Variants in TRAPPC9 observed in about 807,000 individuals in gnomAD.
The protein encoded by TRAPPC9 is IKK2 binding protein.
TRAPPC9 carries 83 observed loss-of-function variants against 124.0 expected under a neutral mutation model. That is an observed-to-expected ratio of 0.67 (90% CI 0.56 to 0.80). TRAPPC9 has a LOEUF of 0.80. TRAPPC9 is among the 30% of genes least tolerant of loss of function. The pLI is 0.00. For missense variants in TRAPPC9, 1,302 were observed against 1,508.3 expected (o/e 0.86, Z 2.27); for synonymous variants, 638 against 617.5 (o/e 1.03, Z -0.49).
intron 17 of TRAPPC9, among the ~76,000 whole-genome samples, chr8:140,215,170 C>T (rs899071651): frequency 1.3e-5 from 2 of 152,160 alleles, no homozygotes; most frequent in African/African-American, 4.8e-5. Flanking sequence ...TGAAATCCAC[C>T]ACATTCACTA....
At chr8:140,297,340 ACATG>A (rs1364727067) in intron 11 of TRAPPC9, among the ~76,000 whole-genome samples, 1 of 144,684 alleles carries the variant, frequency 6.9e-6, no homozygotes, top group African/African-American at 2.7e-5. Context: ...TCATACACAC[ACATG>A]CATAGACACA....
intron 11 of TRAPPC9, among the ~76,000 whole-genome samples, chr8:140,299,981 T>G (rs76962538): frequency 0.033 from 5,079 of 152,322 alleles, 284 homozygotes; most frequent in African/African-American, 0.11. Context: ...TCAGCCCTTG[T>G]AAAATCAGTC....
At chr8:139,850,749 C>T (rs1321521848) in intron 21 of TRAPPC9, among the ~76,000 whole-genome samples, 1 of 152,164 alleles carries the variant, frequency 6.6e-6, no homozygotes, top group East Asian at 1.9e-4. Flanking sequence ...GTCTACTAAT[C>T]CAGTCTTCAT....
chr8:139,739,703 T>G (rs1818432820), intron 21 of TRAPPC9, among the ~76,000 whole-genome samples: 1 of 152,256 alleles, frequency 6.6e-6, no homozygotes, highest in Non-Finnish European at 1.5e-5. Flanking sequence ...GCCACATTCA[T>G]GTATTTTCTC....
chr8:140,185,142 C>T (rs1188618714), intron 17 of TRAPPC9, among the ~76,000 whole-genome samples: 1 of 152,194 alleles, frequency 6.6e-6, no homozygotes, highest in African/African-American at 2.4e-5. Flanking sequence ...AGCCAGAGAC[C>T]ACCATGTACG....
At chr8:140,343,707 C>CT (rs1338130857) in intron 9 of TRAPPC9, among the ~76,000 whole-genome samples, 1 of 152,216 alleles carries the variant, frequency 6.6e-6, no homozygotes, top group East Asian at 1.9e-4. Flanking sequence ...CACACACCTC[C>CT]TGTCCTGGCC....
intron 2 of TRAPPC9, among the ~76,000 whole-genome samples, chr8:140,442,875 C>G (rs1175202451): frequency 6.6e-6 from 1 of 151,992 alleles, no homozygotes; most frequent in Non-Finnish European, 1.5e-5. Flanking sequence ...TGGCTCATGC[C>G]TGTAATCCCA....
At chr8:140,146,218 T>G (rs142563696) in intron 17 of TRAPPC9, among the ~76,000 whole-genome samples, 332 of 152,392 alleles carry the variant, frequency 2.2e-3, no homozygotes, top group African/African-American at 7.2e-3. Flanking sequence ...ATCTAATAAA[T>G]TCTTCACCAG....
chr8:140,176,735 A>G (rs2062079704), intron 17 of TRAPPC9, among the ~76,000 whole-genome samples: 1 of 152,250 alleles, frequency 6.6e-6, no homozygotes, highest in Non-Finnish European at 1.5e-5. Flanking sequence ...ATAGCTAAAC[A>G]TTTCCCCAAA....
At chr8:140,145,413 C>T (rs573956828) in intron 17 of TRAPPC9, among the ~76,000 whole-genome samples, 29 of 152,132 alleles carry the variant, frequency 1.9e-4, no homozygotes, top group Middle Eastern at 6.8e-3. Context: ...AAGTATGTTT[C>T]CTAGAGATTT....
At chr8:140,174,290 C>T (rs1446064323) in intron 17 of TRAPPC9, among the ~76,000 whole-genome samples, 1 of 151,904 alleles carries the variant, frequency 6.6e-6, no homozygotes, top group Non-Finnish European at 1.5e-5. Context: ...TAATACCTGG[C>T]TGATGAAATA....
intron 21 of TRAPPC9, among the ~76,000 whole-genome samples, chr8:139,800,879 TGGTATCTTCCCGCCCTCC>T (rs1261813884): frequency 7.0e-5 from 9 of 128,896 alleles, no homozygotes; most frequent in African/African-American, 1.2e-4. Flanking sequence ...TCCCTCCCTC[TGGTATCTTCCCGCCCTCC>T]GGTACCTTCC....
At chr8:139,956,169 T>A (rs1834969030) in intron 19 of TRAPPC9, among the ~76,000 whole-genome samples, 1 of 151,994 alleles carries the variant, frequency 6.6e-6, no homozygotes, top group Non-Finnish European at 1.5e-5. Flanking sequence ...TTTTTTTTTT[T>A]CTTTTATTTT....
intron 17 of TRAPPC9, among the ~76,000 whole-genome samples, chr8:140,036,472 T>C (rs1467949604): frequency 3.5e-5 from 5 of 142,166 alleles, no homozygotes; most frequent in Admixed American, 2.7e-4. Context: ...TCTTCAAGAT[T>C]AGATTCTTGA....
At chr8:140,181,968 A>G (rs1035594492) in intron 17 of TRAPPC9, among the ~76,000 whole-genome samples, 2 of 152,036 alleles carry the variant, frequency 1.3e-5, no homozygotes, top group Non-Finnish European at 2.9e-5. Flanking sequence ...AGGCCATGGC[A>G]TGCTTCCCTG....
chr8:140,323,672 GA>G (rs1370977487), intron 9 of TRAPPC9, among the ~76,000 whole-genome samples: 2 of 152,032 alleles, frequency 1.3e-5, no homozygotes, highest in Non-Finnish European at 2.9e-5. Context: ...TGAGAGAACA[GA>G]AAAAACACTT....
chr8:140,297,515 A>G (rs1345447555), intron 11 of TRAPPC9, among the ~76,000 whole-genome samples: 1 of 152,242 alleles, frequency 6.6e-6, no homozygotes, highest in African/African-American at 2.4e-5. Context: ...TCCAAAATAC[A>G]GTATTGACTG....
chr8:140,175,585 G>T (rs75302993), intron 17 of TRAPPC9, among the ~76,000 whole-genome samples: 2 of 152,316 alleles, frequency 1.3e-5, no homozygotes, highest in East Asian at 3.9e-4. Flanking sequence ...TCTAAAAACA[G>T]AAAAGTAACT....
At chr8:140,268,736 C>T (rs1025263448) in intron 15 of TRAPPC9, among the ~76,000 whole-genome samples, 1 of 152,098 alleles carries the variant, frequency 6.6e-6, no homozygotes, top group Non-Finnish European at 1.5e-5. Context: ...ACTGGGGACC[C>T]GACTGGAGAG....
Sources: allele counts gnomAD v4.1 joint callset (sites outside exome capture counted in the v4.1 genomes callset), GRCh38; gene constraint gnomAD v4.1.1; transcripts MANE v1.5; gene names NCBI Gene and HGNC (gene_info 2026-07-23, HGNC 2026-07-21).